Variants in EIF2AK1 observed in about 807,000 individuals in gnomAD.
The protein encoded by EIF2AK1 is eukaryotic translation initiation factor 2 alpha kinase 1, also known as eukaryotic translation initiation factor 2-alpha kinase 1.
A neutral mutation model predicts 77.9 loss-of-function variants in EIF2AK1; 54 were observed. That is an observed-to-expected ratio of 0.69 (90% CI 0.56 to 0.87). The LOEUF (loss-of-function observed/expected upper bound fraction) is 0.87, where lower values mean the gene tolerates loss of function less well. Ranked by LOEUF, EIF2AK1 falls within the 40% of genes least tolerant of loss-of-function variation. The pLI, the probability that EIF2AK1 is intolerant of heterozygous loss-of-function variation, is 0.00. For missense variants in EIF2AK1, 810 were observed against 768.6 expected (o/e 1.05, Z -0.64); for synonymous variants, 314 against 290.5 (o/e 1.08, Z -0.82).
intron 14 of EIF2AK1, among the ~76,000 whole-genome samples, chr7:6,025,353 G>T (rs1787711461): frequency 6.6e-6 from 1 of 150,622 alleles, no homozygotes; most frequent in African/African-American, 2.4e-5. Flanking sequence ...GTAGAGATGG[G>T]GTTTTACCAT....
chr7:6,042,932 C>G lies in EIF2AK1; in HGVS notation c.791+1G>C. 1 of 1,612,376 alleles carries G rather than the reference C, an allele frequency of 6.2e-7. No homozygotes were observed. Among genetic ancestry groups the G allele is most frequent in the Non-Finnish European group, 8.5e-7 (1 of 1,178,430 alleles). ...ATGTCCTAATATGTAAAAGGACATA[C>G]CTGTCCTCTTCCTGGTCGGAGAGCA... On this transcript the variant is annotated splice_donor_variant, in intron 8 of 14. Transcript: ENST00000199389. LOFTEE classifies it high-confidence loss of function.
At chr7:6,056,628 A>ATATATATATATATATATATATATATT (rs749747260) in intron 1 of EIF2AK1, among the ~76,000 whole-genome samples, 1 of 75,932 alleles carries the variant, frequency 1.3e-5, no homozygotes, top group Non-Finnish European at 2.6e-5. Flanking sequence ...ATATATATAT[A>ATATATATATATATATATATATATATT]TATATATAAA....
rs1788058621 is a variant in EIF2AK1, at chr7:6,035,713, A to G, written c.1332+1711T>C. The G allele has an allele frequency of 6.4e-7, 1 of 1,550,954 alleles. No homozygotes were observed. Among genetic ancestry groups the G allele is most frequent in the Non-Finnish European group, 8.7e-7 (1 of 1,147,096 alleles). ...TTGACCCAAAATGGTGCCGATGTCA[A>G]TGCTATTAATGAAGCCAGCATGACA... is the stretch of plus-strand genomic sequence containing the variant. On this transcript the variant is annotated intron_variant, in intron 11 of 14. Transcript: ENST00000199389. The surrounding 1 kb of genome is among the most constrained non-coding windows in gnomAD (Gnocchi z 5.5).
At chr7:6,026,062 C>G (rs1431976920) in intron 14 of EIF2AK1, among the ~76,000 whole-genome samples, 1 of 152,108 alleles carries the variant, frequency 6.6e-6, no homozygotes, top group Non-Finnish European at 1.5e-5. Flanking sequence ...GCCAGGCCAC[C>G]CCTGCCTCTC....
At chr7:6,058,022 C>T in intron 1 of EIF2AK1, 1 of 389,518 alleles carries the variant, frequency 2.6e-6, no homozygotes, top group Non-Finnish European at 5.1e-6. Context: ...AAATTGTGGA[C>T]TCTTTCACCT....
chr7:6,024,409 C>A lies in EIF2AK1; in HGVS notation c.*264G>T, dbSNP rs1191308351. 3 of 1,326,766 alleles carry A rather than the reference C, an allele frequency of 2.3e-6. No homozygotes were observed. The highest frequency in any genetic ancestry group is 2.9e-6 in the Non-Finnish European group (3 of 1,035,762). 82.2% of individuals were successfully genotyped at this position (1,326,766 alleles called of 1,614,324 possible). A position where few individuals can be genotyped will look rare whatever the true frequency, so the allele number is the denominator to read the frequency against. The stretch of plus-strand genomic sequence containing the variant: ...AGAGGAAGACCAGACAGAGGGTCAA[C>A]AGAGTTGAAAGGAGAAAATAATTGA... On this transcript the variant is annotated 3_prime_UTR_variant, in exon 15 of 15. Coordinates refer to ENST00000199389, the MANE Select transcript of EIF2AK1 (RefSeq NM_014413.4).
intron 14 of EIF2AK1, among the ~76,000 whole-genome samples, chr7:6,025,808 T>C (rs1787729696): frequency 6.6e-6 from 1 of 152,024 alleles, no homozygotes; most frequent in Non-Finnish European, 1.5e-5. Flanking sequence ...CTAATTTTTG[T>C]ACTTTTAGTA....
At position 6,022,471 on chromosome 7, in the gene EIF2AK1, A is replaced by G. The variant is rs184741062; in HGVS notation, c.*2202T>C. 10 of 152,252 alleles carry G rather than the reference A, an allele frequency of 6.6e-5. No individual in the cohort carries two copies. In the East Asian group the frequency reaches 1.5e-3, roughly 24 times the overall value. 9.4% of individuals were successfully genotyped at this position (152,252 alleles called of 1,614,324 possible). On this transcript the variant is annotated 3_prime_UTR_variant, in exon 15 of 15. Transcript: ENST00000199389. ...CCACTGTTCAAGGGTTAGCTGTACTATATGATGAGATGTGCAACATGGTTT... is the reference window on the plus strand; with the variant it reads ...CCACTGTTCAAGGGTTAGCTGTACTGTATGATGAGATGTGCAACATGGTTT...
chr7:6,028,823 T>C, intron 12 of EIF2AK1, 95 bp downstream of exon 12: 1 of 1,401,220 alleles, frequency 7.1e-7, no homozygotes, highest in Non-Finnish European at 1.0e-6. Flanking sequence ...TATCTTACCT[T>C]TGCTATTAAA....
chr7:6,058,247 A>C (rs754537831), intron 1 of EIF2AK1: 134 of 217,248 alleles, frequency 6.2e-4, no homozygotes, highest in Middle Eastern at 5.8e-3. Flanking sequence ...ACATCTCTGC[A>C]AAAAAAAAAA....
intron 2 of EIF2AK1, among the ~76,000 whole-genome samples, chr7:6,054,085 C>G (rs1243953834): frequency 6.6e-6 from 1 of 151,972 alleles, no homozygotes; most frequent in Non-Finnish European, 1.5e-5. Flanking sequence ...TACCCATTAA[C>G]CATCCTCCAC....
Position 6,026,978 on chromosome 7 carries a change from A to T in EIF2AK1, c.1531-17T>A, listed in dbSNP as rs772076349. 6.3e-7 allele frequency: 1 copy of T among 1,591,340 alleles called. No individual in the cohort carries two copies. Among genetic ancestry groups the T allele is most frequent in the Non-Finnish European group, 8.6e-7 (1 of 1,160,452 alleles). ...CATATCTGACTGGAAAAAGAAAAAA[A>T]GGGGAACTCAGTAGTGAAATACAAA... On this transcript the variant is annotated splice_polypyrimidine_tract_variant and intron_variant, in intron 13 of 14. Coordinates refer to ENST00000199389, the MANE Select transcript of EIF2AK1 (RefSeq NM_014413.4).
Position 6,059,170 on chromosome 7 carries a change from G to T in EIF2AK1, c.-87C>A. ...TGCTGCAGCTAGCGCCGTCCGACCC[G>T]GAAGTAACCCCTCACCAGACGGAAA... is the stretch of plus-strand genomic sequence containing the variant. On this transcript the variant is annotated 5_prime_UTR_variant, in exon 1 of 15. Coordinates refer to ENST00000199389, the MANE Select transcript of EIF2AK1 (RefSeq NM_014413.4). 1 of 898,822 alleles carries T rather than the reference G, an allele frequency of 1.1e-6. No homozygotes were observed. The highest frequency in any genetic ancestry group is 1.5e-6 in the Non-Finnish European group (1 of 655,390). 55.7% of individuals were successfully genotyped at this position (898,822 alleles called of 1,614,324 possible). A position where few individuals can be genotyped will look rare whatever the true frequency, so the allele number is the denominator to read the frequency against.
intron 6 of EIF2AK1, 126 bp downstream of exon 6, chr7:6,045,945 C>T: frequency 1.8e-6 from 1 of 553,130 alleles, no homozygotes; most frequent in Non-Finnish European, 3.1e-6. Context: ...TACTATAACC[C>T]CATTCCTAGT....
chr7:6,029,027 T>G lies in EIF2AK1; in HGVS notation c.1338A>C (p.Arg446Ser), dbSNP rs1452576228. 1 of 1,609,218 alleles carries G rather than the reference T, an allele frequency of 6.2e-7. No individual in the cohort carries two copies. The highest frequency in any genetic ancestry group is 1.1e-5 in the South Asian group (1 of 89,910). Reference protein sequence around the residue: ...MGIVHRDLKPRNIFLHGPDQQ... With the variant: ...MGIVHRDLKPSNIFLHGPDQQ... The stretch of plus-strand genomic sequence containing the variant: ...GATCAGGGCCATGAAGAAAAATATT[T>G]CTTGGCTATCAACAAACAAAACAAG... Residue 446 changes from arginine to serine, a missense_variant, in exon 12 of 15, where the codon AGA (arginine) becomes AGC (serine). Transcript: ENST00000199389.
chr7:6,054,560 C>G lies in EIF2AK1; in HGVS notation c.263G>C (p.Arg88Thr), dbSNP rs1422955568. 6.2e-7 allele frequency: 1 copy of G among 1,614,004 alleles called. No homozygotes were observed. The highest frequency in any genetic ancestry group is 2.2e-5 in the East Asian group (1 of 44,900). Residue 88 changes from arginine (R) to threonine (T), a missense_variant, in exon 2 of 15, where the codon AGA becomes ACA. Arg to Thr is a moderately conservative substitution (Grantham distance 71, BLOSUM62 -1). Coordinates refer to ENST00000199389, the MANE Select transcript of EIF2AK1 (RefSeq NM_014413.4). ...TTCTTACTTACGCTTAAACACCTGT[C>G]TTGAACGAAGTGGGTTTGGTTCATG... ...HVHEPNPLRS[R>T]QVFKLLCQTF...
chr7:6,037,271 G>C (rs1025176279), intron 11 of EIF2AK1, among the ~76,000 whole-genome samples, 153 bp downstream of exon 11: 1 of 151,882 alleles, frequency 6.6e-6, no homozygotes, highest in African/African-American at 2.4e-5. Context: ...CCATACTCTG[G>C]ATCTATCGAA....
rs1391786734 is a variant in EIF2AK1, at chr7:6,035,589, G to A, written c.1332+1835C>T. Reference sequence around the variant, plus strand: ...CATCACATGTCTCCGCATCTTGTGTGCGCACGGAGCTCAAGTGAACACTCA... The same window carrying A: ...CATCACATGTCTCCGCATCTTGTGTACGCACGGAGCTCAAGTGAACACTCA... On this transcript the variant is annotated intron_variant, in intron 11 of 14. Coordinates refer to ENST00000199389, the MANE Select transcript of EIF2AK1 (RefSeq NM_014413.4). This position sits in a 1 kb window ranked among gnomAD's most constrained non-coding sequence, Gnocchi z 5.5. The A allele has an allele frequency of 1.3e-6, 2 of 1,551,058 alleles. No homozygotes were observed. The highest frequency in any genetic ancestry group is 8.7e-7 in the Non-Finnish European group (1 of 1,147,098).
At position 6,024,041 on chromosome 7, in the gene EIF2AK1, C is replaced by A; in HGVS notation, c.*632G>T. 1 of 1,314,618 alleles carries A rather than the reference C, an allele frequency of 7.6e-7. No homozygotes were observed. The highest frequency in any genetic ancestry group is 1.2e-5 in the South Asian group (1 of 81,232). 81.4% of individuals were successfully genotyped at this position (1,314,618 alleles called of 1,614,324 possible). On this transcript the variant is annotated 3_prime_UTR_variant, in exon 15 of 15. Transcript: ENST00000199389. Reference sequence around the variant, plus strand: ...TGCAGGGCAAAGGCAGGAAAGAGATCTGAGCTGCCTGGAGATCATCTGGGG... The same window carrying A: ...TGCAGGGCAAAGGCAGGAAAGAGATATGAGCTGCCTGGAGATCATCTGGGG...
Sources: gnomAD v4.1 joint callset for allele counts (sites outside exome capture counted in the v4.1 genomes callset) on GRCh38, gnomAD v4.1.1 for gene constraint, Gnocchi (gnomAD v3.1) non-coding constraint, MANE v1.5 for transcripts, NCBI Gene and HGNC (gene_info 2026-07-23, HGNC 2026-07-21) for gene names.